Variants in ARVCF observed in about 807,000 individuals in gnomAD.
ARVCF encodes splicing regulator ARVCF.
Under a neutral mutation model 90.9 loss-of-function variants are expected in ARVCF, and 66 were observed. The ratio of observed to expected loss-of-function variants is 0.73; its 90% CI spans 0.60 to 0.89. The LOEUF (loss-of-function observed/expected upper bound fraction) is 0.89. Ranked by LOEUF, ARVCF falls within the 40% of genes least tolerant of loss-of-function variation. ARVCF has a pLI of 0.00. For missense variants in ARVCF, 1,469 were observed against 1,382.3 expected, an observed-to-expected ratio of 1.06 and a Z score of -1.00; for synonymous variants, 653 against 603.4, an observed-to-expected ratio of 1.08 and a Z score of -1.21.
At chr22:19,995,302 G>A (rs570453433) in intron 2 of ARVCF, among the ~76,000 whole-genome samples, 1 of 152,068 alleles carries the variant, frequency 6.6e-6, no homozygotes, top group South Asian at 2.1e-4. Flanking sequence ...AGAATGTGTA[G>A]GAGGGTGGGC....
rs919386271 is a variant in ARVCF, at chr22:19,980,163, C to T, written c.976G>A (p.Ala326Thr). 2 of 1,581,614 alleles carry T rather than the reference C, an allele frequency of 1.3e-6. No individual in the cohort carries two copies. The highest frequency in any genetic ancestry group is 2.7e-5 in the African/African-American group (2 of 74,330). Residue 326 changes from alanine to threonine, a missense_variant, in exon 6 of 20, where the codon GCC becomes ACC. By Grantham distance (58) the Ala-to-Thr change is moderately conservative. Transcript: ENST00000263207. ...CCCATGCTGCCCCGTTCAGGCTGGGCCAGGGGCGCCGTCACCATTGGGAAC... is the reference window on the plus strand; with the variant it reads ...CCCATGCTGCCCCGTTCAGGCTGGGTCAGGGGCGCCGTCACCATTGGGAAC... ...PAFPMVTAPLAQPERGSMGSL... is the reference protein window; with the variant it reads ...PAFPMVTAPLTQPERGSMGSL...
In ARVCF at chr22:19,977,494, G is replaced by C. The variant is rs148191845; in HGVS notation, c.1791C>G (p.Pro597=). 6.3e-7 allele frequency: 1 copy of C among 1,598,490 alleles called. No individual in the cohort carries two copies. The highest frequency in any genetic ancestry group is 1.3e-5 in the African/African-American group (1 of 74,424). ...AGCCTACAGCACTGCCCAGGGGCCCGGGCTCGGCCTCCTGGTACCTGTCGG... is the reference window on the plus strand; with the variant it reads ...AGCCTACAGCACTGCCCAGGGGCCCCGGCTCGGCCTCCTGGTACCTGTCGG... ...PGADRYQEAE[P]GPLGSAVGSQ... The change falls in exon 9 of 20, where the codon CCC becomes CCG. Residue 597 remains proline, a synonymous_variant. Coordinates refer to ENST00000263207, the MANE Select transcript of ARVCF (RefSeq NM_001670.3).
chr22:19,972,091 C>T (rs908868351), intron 17 of ARVCF, 120 bp from the exon 18 acceptor site: 4 of 1,018,852 alleles, frequency 3.9e-6, no homozygotes, highest in Non-Finnish European at 5.7e-6. Flanking sequence ...AGACAGCCCC[C>T]ACCCACCCTG....
intron 17 of ARVCF, 49 bp from the exon 18 acceptor site, chr22:19,972,020 T>C (rs1484125988): frequency 1.8e-5 from 27 of 1,504,342 alleles, no homozygotes; most frequent in Non-Finnish European, 2.4e-5. Flanking sequence ...AGGGAGGCCC[T>C]GTAGGAGCAG....
At chr22:20,012,088 C>A (rs989368012) in intron 1 of ARVCF, among the ~76,000 whole-genome samples, 6 of 139,130 alleles carry the variant, frequency 4.3e-5, no homozygotes, top group East Asian at 3.9e-4. Context: ...GTCCCCCCCC[C>A]CCACCCAGTT....
At chr22:19,975,089 C>T (rs1211163688) in intron 11 of ARVCF, among the ~76,000 whole-genome samples, 2 of 152,174 alleles carry the variant, frequency 1.3e-5, no homozygotes, top group Admixed American at 1.3e-4. Context: ...AGCACACTCC[C>T]CGCTGGGGTA....
rs1449124644 is a variant in ARVCF, at chr22:19,973,151, C to G, written c.2406G>C (p.Gly802=). 6.2e-7 allele frequency: 1 copy of G among 1,609,708 alleles called. No individual in the cohort carries two copies. Among genetic ancestry groups the G allele is most frequent in the Non-Finnish European group, 8.5e-7 (1 of 1,178,678 alleles). ...DNARSLLQAR[G]VPALVALVAS... is the part of the protein sequence containing the mutation. ...CCACGAGAGCCACCAACGCTGGCAC[C>G]CCGCGTGCCTGCAGGAGCGAGCGCG... Residue 802 remains glycine, a synonymous_variant, in exon 14 of 20, where the codon GGG becomes GGC. Transcript: ENST00000263207.
chr22:19,978,519 G>A (rs12165997), intron 7 of ARVCF, among the ~76,000 whole-genome samples: 4,425 of 152,282 alleles, frequency 0.029, 216 homozygotes, highest in African/African-American at 0.1. Flanking sequence ...AGGACTCTGT[G>A]GGGTCAGCAG....
At chr22:19,979,676 T>C (rs1244884633) in intron 6 of ARVCF, 67 bp downstream of exon 6, 2 of 1,496,452 alleles carry the variant, frequency 1.3e-6, no homozygotes, top group Admixed American at 4.1e-5. Context: ...GTGGCCTCGT[T>C]CCTCCCGGGT....
At chr22:19,984,628 G>T (rs1427979106) in intron 3 of ARVCF, among the ~76,000 whole-genome samples, 3 of 152,302 alleles carry the variant, frequency 2.0e-5, no homozygotes, top group South Asian at 2.1e-4. Context: ...ATACACGTGT[G>T]CAAGTACCCA....
chr22:20,007,024 C>T (rs989320918), intron 2 of ARVCF, among the ~76,000 whole-genome samples: 7 of 152,122 alleles, frequency 4.6e-5, no homozygotes, highest in Non-Finnish European at 8.8e-5. Flanking sequence ...GAGGCCAAGG[C>T]AAGTGGATTG....
At position 19,970,202 on chromosome 22, in the gene ARVCF, C is replaced by G. The variant is rs1298535409; in HGVS notation, c.*554G>C. ...AGGTGGGGCACCTGTAGCCTGACCC[C>G]CACCTTGCTGCTTCCAAAGCTTCCT... On this transcript the variant is annotated 3_prime_UTR_variant, in exon 20 of 20. Coordinates refer to ENST00000263207, the MANE Select transcript of ARVCF (RefSeq NM_001670.3). 46 of 989,432 alleles carry G rather than the reference C, an allele frequency of 4.6e-5. No individual in the cohort carries two copies. The highest frequency in any genetic ancestry group is 5.5e-5 in the Non-Finnish European group (46 of 832,380). 61.3% of individuals were successfully genotyped at this position (989,432 alleles called of 1,614,324 possible).
intron 2 of ARVCF, among the ~76,000 whole-genome samples, chr22:20,009,694 C>G (rs1401665039): frequency 6.6e-6 from 1 of 152,256 alleles, no homozygotes; most frequent in Non-Finnish European, 1.5e-5. Context: ...TACCATCCTT[C>G]AGAGGGTCCT....
At chr22:19,995,350 A>G (rs1000833780) in intron 2 of ARVCF, among the ~76,000 whole-genome samples, 1 of 150,774 alleles carries the variant, frequency 6.6e-6, no homozygotes, top group African/African-American at 2.4e-5. Context: ...GGAGGAGTGG[A>G]TGAAGGAGAA....
intron 2 of ARVCF, among the ~76,000 whole-genome samples, chr22:19,999,109 A>T (rs964684224): frequency 1.3e-5 from 2 of 152,108 alleles, no homozygotes; most frequent in African/African-American, 4.8e-5. Flanking sequence ...CCAGGGAGGC[A>T]GAGGAGGCCA....
chr22:19,984,467 C>T (rs1395982118), intron 3 of ARVCF, among the ~76,000 whole-genome samples: 1 of 152,184 alleles, frequency 6.6e-6, no homozygotes, highest in Non-Finnish European at 1.5e-5. Flanking sequence ...GGCAAATGAC[C>T]TCAGGGAGCT....
intron 2 of ARVCF, among the ~76,000 whole-genome samples, chr22:19,993,580 C>T (rs1416123570): frequency 6.6e-6 from 1 of 152,200 alleles, no homozygotes; most frequent in African/African-American, 2.4e-5. Context: ...CTGGTAAGGG[C>T]CCAGCATTGC....
Position 19,979,792 on chromosome 22 carries a change from C to T in ARVCF, c.1347G>A (p.Val449=). Residue 449 remains valine, a synonymous_variant, in exon 6 of 20, where the codon GTG becomes GTA. Coordinates refer to ENST00000263207, the MANE Select transcript of ARVCF (RefSeq NM_001670.3). The stretch of plus-strand genomic sequence containing the variant: ...TGTCCCGGGCAGCCCTCAGCAGGCG[C>T]ACCAGGGCAGGCACACCACCGCAGT... ...IRDCGGVPAL[V]RLLRAARDNE... is the part of the protein sequence containing the mutation. The T allele has an allele frequency of 6.2e-7, 1 of 1,608,880 alleles. No homozygotes were observed. The highest frequency in any genetic ancestry group is 8.5e-7 in the Non-Finnish European group (1 of 1,178,140).
rs569734418 is a variant in ARVCF, at chr22:19,970,414, T to A, written c.*342A>T. ...CACTGTGTTCCCAGGGGCACCCTCC[T>A]ATCCCACCAGCCCCAAAGCCCAGCC... On this transcript the variant is annotated 3_prime_UTR_variant, in exon 20 of 20. Coordinates refer to ENST00000263207, the MANE Select transcript of ARVCF (RefSeq NM_001670.3). The A allele has an allele frequency of 2.8e-6, 3 of 1,053,820 alleles. No homozygotes were observed. Among genetic ancestry groups the A allele is most frequent in the Non-Finnish European group, 3.5e-6 (3 of 867,536 alleles). The allele number at this position is 1,053,820 out of a possible 1,614,324, so 65.3% of individuals were successfully genotyped here. A position where few individuals can be genotyped will look rare whatever the true frequency, so the allele number is the denominator to read the frequency against.
Sources: allele counts gnomAD v4.1 joint callset (sites outside exome capture counted in the v4.1 genomes callset), GRCh38; gene constraint gnomAD v4.1.1; transcripts MANE v1.5; gene names NCBI Gene and HGNC (gene_info 2026-07-23, HGNC 2026-07-21).